CTXND2: variants seen among roughly 807,000 people sequenced by gnomAD.
CTXND2 encodes cortexin domain containing 2.
At position 150,912,580 on chromosome 1, in the gene CTXND2, C is replaced by T. The variant is rs976498848; in HGVS notation, c.*98C>T. ...ACCTCCCTGTTTCTCAGCCTTCTCACTCTTGCATTCCACAGTGAGATGAAA... is the reference window on the plus strand; with the variant it reads ...ACCTCCCTGTTTCTCAGCCTTCTCATTCTTGCATTCCACAGTGAGATGAAA... On this transcript the variant is annotated 3_prime_UTR_variant, in exon 2 of 2. Transcript: ENST00000636087. The T allele has an allele frequency of 4.8e-5, 19 of 397,458 alleles. 1 individual carries two copies. In the East Asian group the frequency reaches 6.8e-4, roughly 14 times the overall value. 24.6% of individuals were successfully genotyped at this position (397,458 alleles called of 1,614,324 possible).
At chr1:150,900,234 C>T (rs1331766046) in intron 1 of CTXND2, among the ~76,000 whole-genome samples, 1 of 150,552 alleles carries the variant, frequency 6.6e-6, no homozygotes, top group East Asian at 2.0e-4. Context: ...CTCCTGAAGT[C>T]AGTGAGACCA....
chr1:150,908,508 T>C (rs1669192273), intron 1 of CTXND2, among the ~76,000 whole-genome samples: 1 of 152,230 alleles, frequency 6.6e-6, no homozygotes, highest in Non-Finnish European at 1.5e-5. Context: ...TGATGACTAA[T>C]TACGTTGACC....
intron 1 of CTXND2, among the ~76,000 whole-genome samples, chr1:150,909,914 A>C (rs1669219583): frequency 1.3e-5 from 2 of 152,154 alleles, no homozygotes; most frequent in African/African-American, 4.8e-5. Flanking sequence ...GTAGGAAAAC[A>C]GGAACTCAGG....
At chr1:150,910,096 G>A (rs1340181536) in intron 1 of CTXND2, among the ~76,000 whole-genome samples, 1 of 150,644 alleles carries the variant, frequency 6.6e-6, no homozygotes, top group Non-Finnish European at 1.5e-5. Flanking sequence ...AAGACCAGAA[G>A]GTCAATTTCT....
chr1:150,896,131 G>C (rs1043996289), intron 1 of CTXND2, among the ~76,000 whole-genome samples: 5 of 152,204 alleles, frequency 3.3e-5, no homozygotes, highest in Non-Finnish European at 7.3e-5. Context: ...GAAAGGAGCA[G>C]GAGAGATGAT....
chr1:150,905,277 G>T (rs1442107394), intron 1 of CTXND2, among the ~76,000 whole-genome samples: 1 of 151,654 alleles, frequency 6.6e-6, no homozygotes, highest in Non-Finnish European at 1.5e-5. Flanking sequence ...CCAAGTAGCT[G>T]GGACTACAGG....
intron 1 of CTXND2, chr1:150,904,285 G>A: frequency 4.5e-6 from 2 of 444,658 alleles, no homozygotes; most frequent in South Asian, 1.8e-5. Context: ...TACTTTAACA[G>A]AGCTTATACA....
chr1:150,904,442 C>T (rs1417519812), intron 1 of CTXND2, among the ~76,000 whole-genome samples: 2 of 152,152 alleles, frequency 1.3e-5, no homozygotes, highest in Non-Finnish European at 2.9e-5. Flanking sequence ...ACTGTTTACC[C>T]CTTCTAAAGA....
chr1:150,898,931 A>AAATAT (rs1553235145), intron 1 of CTXND2, among the ~76,000 whole-genome samples: 3 of 139,084 alleles, frequency 2.2e-5, no homozygotes, highest in African/African-American at 8.1e-5. Flanking sequence ...CAAAAAAAAA[A>AAATAT]ATATATATAT....
intron 1 of CTXND2, among the ~76,000 whole-genome samples, chr1:150,902,171 G>A (rs1244836719): frequency 6.6e-6 from 1 of 152,106 alleles, no homozygotes; most frequent in Non-Finnish European, 1.5e-5. Context: ...GGGGGCAGAG[G>A]CGGGCAGATC....
chr1:150,904,072 C>G, intron 1 of CTXND2: 1 of 664,942 alleles, frequency 1.5e-6, no homozygotes, highest in South Asian at 1.4e-5. Context: ...AAGGCATCAT[C>G]TGGGGAGAGG....
At position 150,890,259 on chromosome 1, in the gene CTXND2, T is replaced by C. The variant is rs373443701; in HGVS notation, c.-74+2946T>C. Among the ~76,000 whole-genome samples, 42 of 149,936 alleles carry C rather than the reference T, an allele frequency of 2.8e-4. No homozygotes were observed. The East Asian group carries it at 6.4e-3, about 23-fold the overall frequency. On this transcript the variant is annotated intron_variant, in intron 1 of 1. Transcript: ENST00000636087. ...TTTAAATTACTGAAACTCTTGTGTA[T>C]GGAAAAGATATGTGTTGCCTTAAAC...
intron 1 of CTXND2, among the ~76,000 whole-genome samples, chr1:150,890,566 C>T (rs890861140): frequency 1.3e-5 from 2 of 152,016 alleles, no homozygotes; most frequent in African/African-American, 2.4e-5. Flanking sequence ...TGCAACGGTA[C>T]GTTCTTGTCT....
chr1:150,896,695 A>C (rs1442143861), intron 1 of CTXND2, among the ~76,000 whole-genome samples: 2 of 152,184 alleles, frequency 1.3e-5, no homozygotes, highest in Non-Finnish European at 2.9e-5. Context: ...AAAGTCATTC[A>C]TTCATTCAAC....
chr1:150,900,487 C>T (rs1264964634), intron 1 of CTXND2, among the ~76,000 whole-genome samples: 4 of 152,174 alleles, frequency 2.6e-5, no homozygotes, highest in Non-Finnish European at 5.9e-5. Context: ...ACCAAGAACT[C>T]ACTGGAAGGA....
chr1:150,904,132 A>G (rs1669094733), intron 1 of CTXND2: 1 of 660,796 alleles, frequency 1.5e-6, no homozygotes, highest in African/African-American at 1.8e-5. Context: ...TCCCTGGAAC[A>G]AAAATGATCT....
intron 1 of CTXND2, among the ~76,000 whole-genome samples, chr1:150,910,124 T>G (rs907330826): frequency 6.7e-6 from 1 of 149,748 alleles, no homozygotes; most frequent in Non-Finnish European, 1.5e-5. Context: ...TTTTCTGTTT[T>G]TTTTTTTTCT....
chr1:150,903,065 C>G (rs143564815), intron 1 of CTXND2, among the ~76,000 whole-genome samples: 2,599 of 152,240 alleles, frequency 0.017, 36 homozygotes, highest in Non-Finnish European at 0.027. Context: ...AGGGCTCCTG[C>G]TATCTATTGT....
intron 1 of CTXND2, among the ~76,000 whole-genome samples, chr1:150,899,160 T>C (rs893037604): frequency 6.7e-6 from 1 of 149,208 alleles, no homozygotes; most frequent in Non-Finnish European, 1.5e-5. Flanking sequence ...ACTCAAAAAG[T>C]CCAAGCATGG....
Sources: allele counts gnomAD v4.1 joint callset (sites outside exome capture counted in the v4.1 genomes callset), GRCh38; gene constraint gnomAD v4.1.1; transcripts MANE v1.5; gene names NCBI Gene and HGNC (gene_info 2026-07-23, HGNC 2026-07-21).